Variants in TRAPPC9 observed in about 807,000 individuals in gnomAD.
The protein encoded by TRAPPC9 is IKK2 binding protein.
TRAPPC9 carries 83 observed loss-of-function variants against 124.0 expected under a neutral mutation model. The observed-to-expected ratio is 0.67, with a 90% CI of 0.56 to 0.80. The LOEUF is 0.80. Among genes scored for constraint, TRAPPC9 ranks in the 30% least tolerant of loss-of-function variants. The probability of loss-of-function intolerance (pLI) is 0.00; values close to 1 mark genes in which losing one functional copy is unlikely to be tolerated. For synonymous variants in TRAPPC9, 638 were observed against 617.5 expected (o/e 1.03, Z -0.49); for missense variants, 1,302 against 1,508.3 (o/e 0.86, Z 2.27).
rs142090298 is a variant in TRAPPC9 at position 139,778,626 on chromosome 8, A to G, written c.3056-46424T>C. 5.6e-4 allele frequency among the ~76,000 whole-genome samples: 86 copies of G among 152,360 alleles called. 1 individual carries two copies. In the East Asian group the frequency reaches 0.015, roughly 27 times the overall value. ...AACTTATGTCAATGAAATATATAAC[A>G]TCTCAGATAAAAACAAAAAGGATGG... On this transcript the variant is annotated intron_variant, in intron 21 of 22. Transcript: ENST00000438773.
At chr8:139,906,822 C>T (rs35611150) in intron 20 of TRAPPC9, among the ~76,000 whole-genome samples, 3,665 of 152,298 alleles carry the variant, frequency 0.024, 54 homozygotes, top group Non-Finnish European at 0.034. Context: ...TCCCCAGGGG[C>T]GCTTGCATCT....
At position 139,730,095 on chromosome 8, in the gene TRAPPC9, C is replaced by T. The variant is rs958847054; in HGVS notation, c.*966G>A. On this transcript the variant is annotated 3_prime_UTR_variant, in exon 23 of 23. Transcript: ENST00000438773. The stretch of plus-strand genomic sequence containing the variant: ...ACGCAGGGCCAGCTGCCCACTGTGG[C>T]GGCAGCTCGGGCCCAGTCACACTCC... Among the ~76,000 whole-genome samples, 2 of 152,106 alleles carry T rather than the reference C, an allele frequency of 1.3e-5. No individual in the cohort carries two copies. The highest frequency in any genetic ancestry group is 2.9e-5 in the Non-Finnish European group (2 of 68,004).
chr8:139,843,749 ATCC>A (rs1826885897), intron 21 of TRAPPC9, among the ~76,000 whole-genome samples: 1 of 152,152 alleles, frequency 6.6e-6, no homozygotes, highest in Non-Finnish European at 1.5e-5. Context: ...CAAGGAATGG[ATCC>A]TCCTCAAGGG....
chr8:140,064,646 C>T (rs116321873), intron 17 of TRAPPC9, among the ~76,000 whole-genome samples: 199 of 152,270 alleles, frequency 1.3e-3, no homozygotes, highest in African/African-American at 4.3e-3. Context: ...CTAAGTGCAG[C>T]GGCAGGAAGC....
At chr8:140,226,051 T>C (rs1036456446) in intron 16 of TRAPPC9, among the ~76,000 whole-genome samples, 1 of 152,200 alleles carries the variant, frequency 6.6e-6, no homozygotes, top group Non-Finnish European at 1.5e-5. Context: ...AACATCTGGC[T>C]TTTGTCTGCC....
intron 21 of TRAPPC9, among the ~76,000 whole-genome samples, chr8:139,882,668 G>A (rs900299714): frequency 5.3e-5 from 8 of 152,206 alleles, no homozygotes; most frequent in African/African-American, 1.9e-4. Context: ...TAGGAGGGTG[G>A]CGAGGAGACA....
chr8:140,290,979 T>C lies in TRAPPC9; in HGVS notation c.1854+14A>G. 1.9e-6 allele frequency: 3 copies of C among 1,612,248 alleles called. No homozygotes were observed. Among genetic ancestry groups the C allele is most frequent in the Non-Finnish European group, 2.5e-6 (3 of 1,178,266 alleles). On this transcript the variant is annotated intron_variant, in intron 12 of 22. Transcript: ENST00000438773. ...ATGTTAGCCCAAAAAGGTCAAATGA[T>C]TGGTGATACATACCATGTTTTCAAC...
intron 21 of TRAPPC9, among the ~76,000 whole-genome samples, chr8:139,796,499 A>G (rs1823106539): frequency 6.6e-6 from 1 of 152,164 alleles, no homozygotes; most frequent in African/African-American, 2.4e-5. Context: ...AAATGGAATC[A>G]TACACTATGT....
chr8:139,998,721 C>CA (rs1563677758), intron 18 of TRAPPC9, among the ~76,000 whole-genome samples: 1 of 150,588 alleles, frequency 6.6e-6, no homozygotes, highest in Non-Finnish European at 1.5e-5. Flanking sequence ...GACTCCGTCT[C>CA]AAAAAAATAA....
intron 2 of TRAPPC9, among the ~76,000 whole-genome samples, chr8:140,449,163 C>A (rs930380695): frequency 2.6e-5 from 4 of 152,198 alleles, no homozygotes; most frequent in Non-Finnish European, 5.9e-5. Flanking sequence ...TCTCCTCATA[C>A]TTACCAACAA....
chr8:140,385,430 T>G (rs78408615), intron 7 of TRAPPC9, among the ~76,000 whole-genome samples: 1 of 151,606 alleles, frequency 6.6e-6, no homozygotes, highest in African/African-American at 2.4e-5. Context: ...GCAAGACTAA[T>G]AAGAAGAAAA....
intron 17 of TRAPPC9, among the ~76,000 whole-genome samples, chr8:140,196,648 T>C (rs1392512971): frequency 6.6e-6 from 1 of 151,292 alleles, no homozygotes; most frequent in Non-Finnish European, 1.5e-5. Context: ...ACTGTACAGA[T>C]CACACCTGTA....
chr8:139,878,751 G>C (rs1457058027), intron 21 of TRAPPC9, among the ~76,000 whole-genome samples: 2 of 152,224 alleles, frequency 1.3e-5, no homozygotes, highest in African/African-American at 4.8e-5. Flanking sequence ...GAACGCTTGA[G>C]GCCGGGAGTT....
At chr8:139,967,944 G>A (rs1835812472) in intron 19 of TRAPPC9, among the ~76,000 whole-genome samples, 1 of 152,088 alleles carries the variant, frequency 6.6e-6, no homozygotes, top group Admixed American at 6.5e-5. Flanking sequence ...TTCCAGACCA[G>A]TCTGGCGAAC....
At chr8:140,452,419 CAAAAAAAA>C (rs1161960216) in intron 1 of TRAPPC9, among the ~76,000 whole-genome samples, 2 of 40,454 alleles carry the variant, frequency 4.9e-5, no homozygotes, top group Non-Finnish European at 5.7e-5. Flanking sequence ...GACTGCATCT[CAAAAAAAA>C]AAAAAAAAAA....
intron 2 of TRAPPC9, among the ~76,000 whole-genome samples, chr8:140,449,772 G>A (rs2071391777): frequency 6.6e-6 from 1 of 152,178 alleles, no homozygotes; most frequent in South Asian, 2.1e-4. Context: ...TGGCAATCCG[G>A]AGACGTGGGC....
chr8:140,101,541 G>T (rs4596628), intron 17 of TRAPPC9, among the ~76,000 whole-genome samples: 80,517 of 114,178 alleles, frequency 0.71, 28,905 homozygotes, highest in African/African-American at 0.88. Flanking sequence ...TCTTTTTTTT[G>T]TTTTTTTTTT....
chr8:140,412,172 C>T (rs905867988), intron 5 of TRAPPC9, among the ~76,000 whole-genome samples: 4 of 152,224 alleles, frequency 2.6e-5, no homozygotes, highest in Non-Finnish European at 1.5e-5. Flanking sequence ...AAATGAACCT[C>T]ATGTGCCTCT....
intron 19 of TRAPPC9, among the ~76,000 whole-genome samples, chr8:139,929,822 G>C (rs1267055551): frequency 6.6e-6 from 1 of 152,214 alleles, no homozygotes; most frequent in Non-Finnish European, 1.5e-5. Flanking sequence ...GCCCAGCAGA[G>C]CAGGCTAAGC....
Sources: allele counts gnomAD v4.1 joint callset (sites outside exome capture counted in the v4.1 genomes callset), GRCh38; gene constraint gnomAD v4.1.1; transcripts MANE v1.5; gene names NCBI Gene and HGNC (gene_info 2026-07-23, HGNC 2026-07-21).